MARK1: variants seen among roughly 807,000 people sequenced by gnomAD.
The protein encoded by MARK1 is microtubule affinity regulating kinase 1.
In MARK1, 40 loss-of-function variants were observed where a neutral mutation model predicts 96.3. The ratio of observed to expected loss-of-function variants is 0.42; its 90% confidence interval spans 0.32 to 0.54. MARK1 has a LOEUF of 0.54. Among genes scored for constraint, MARK1 ranks in the 20% least tolerant of loss-of-function variants. The pLI is 0.16. For missense variants in MARK1, 719 were observed against 984.6 expected, an observed-to-expected ratio of 0.73 and a Z score of 3.61; for synonymous variants, 317 against 341.2, an observed-to-expected ratio of 0.93 and a Z score of 0.78.
At chr1:220,593,642 A>G (rs116761486) in intron 3 of MARK1, among the ~76,000 whole-genome samples, 112 of 152,230 alleles carry the variant, frequency 7.4e-4, no homozygotes, top group African/African-American at 2.6e-3. Context: ...TGGTCACCTG[A>G]TGAGGTGCCC....
Position 220,604,106 on chromosome 1 carries a change from A to C in MARK1, c.464A>C (p.Lys155Thr). 1 of 1,611,620 alleles carries C rather than the reference A, an allele frequency of 6.2e-7. No individual in the cohort carries two copies. The highest frequency in any genetic ancestry group is 1.1e-5 in the South Asian group (1 of 90,728). ...FDYLVAHGRM[K>T]EKEARAKFRQ... The stretch of plus-strand genomic sequence containing the variant: ...TACTTAGTTGCCCATGGAAGAATGA[A>C]AGAGAAAGAGGCCCGTGCAAAATTT... Residue 155 changes from lysine to threonine, a missense_variant, in exon 6 of 18, where the codon AAA (lysine) becomes ACA (threonine). Around this residue, in one of 4 missense-constraint regions of MARK1, gnomAD observed 96 missense variants for 213.1 expected, o/e 0.45. Transcript: ENST00000366917.
intron 3 of MARK1, among the ~76,000 whole-genome samples, chr1:220,594,362 AAC>A (rs1665186628): frequency 6.6e-6 from 1 of 152,240 alleles, no homozygotes; most frequent in Non-Finnish European, 1.5e-5. Context: ...AGAAGTCCAA[AAC>A]ACAGCACCAA....
At chr1:220,560,289 T>A (rs1465469757) in intron 1 of MARK1, among the ~76,000 whole-genome samples, 1 of 151,954 alleles carries the variant, frequency 6.6e-6, no homozygotes, top group Non-Finnish European at 1.5e-5. Flanking sequence ...ATATGAAAGA[T>A]CCCCCCAGTG....
chr1:220,549,781 G>C (rs1333676224), intron 1 of MARK1, among the ~76,000 whole-genome samples: 1 of 152,226 alleles, frequency 6.6e-6, no homozygotes, highest in Non-Finnish European at 1.5e-5. Flanking sequence ...CCCGAGCTCA[G>C]CCTTTTACAA....
chr1:220,637,251 A>AGG (rs1668017304), intron 13 of MARK1, among the ~76,000 whole-genome samples: 1 of 152,240 alleles, frequency 6.6e-6, no homozygotes, highest in Non-Finnish European at 1.5e-5. Flanking sequence ...ATAAGCAAAA[A>AGG]GAGGAAAATA....
chr1:220,540,673 A>G (rs1661076787), intron 1 of MARK1, among the ~76,000 whole-genome samples: 1 of 152,114 alleles, frequency 6.6e-6, no homozygotes, highest in Non-Finnish European at 1.5e-5. Flanking sequence ...TTTCTGTGGC[A>G]TCAGTTGTAT....
chr1:220,607,245 G>A (rs201115376), intron 6 of MARK1, among the ~76,000 whole-genome samples: 3 of 152,110 alleles, frequency 2.0e-5, no homozygotes, highest in Admixed American at 2.0e-4. Context: ...CACGTCCCTT[G>A]TAAGTTGGAT....
At chr1:220,545,439 G>GTTTTTTTTTTTTTTTTTTT (rs35422682) in intron 1 of MARK1, among the ~76,000 whole-genome samples, 1 of 87,260 alleles carries the variant, frequency 1.1e-5, no homozygotes, top group Non-Finnish European at 2.1e-5. Context: ...CTTTCTCATG[G>GTTTTTTTTTTTTTTTTTTT]TTTTTTTTTT....
chr1:220,626,475 G>T lies in MARK1; in HGVS notation c.910-4560G>T, dbSNP rs982483060. On this transcript the variant is annotated intron_variant, in intron 9 of 17. Coordinates refer to ENST00000366917, the MANE Select transcript of MARK1 (RefSeq NM_018650.5). ...CCATTTCAAGTTCAGTGCTCTTACA[G>T]TGTGGCTCAGACTCCTTATCTGGGG... The T allele has an allele frequency of 9.3e-6, 5 of 537,238 alleles. No individual in the cohort carries two copies. In the East Asian group the frequency reaches 2.6e-4, roughly 28 times the overall value. 33.3% of individuals were successfully genotyped at this position (537,238 alleles called of 1,614,324 possible).
chr1:220,653,851 C>T (rs1669030396), intron 16 of MARK1, among the ~76,000 whole-genome samples: 2 of 152,096 alleles, frequency 1.3e-5, no homozygotes, highest in South Asian at 4.1e-4. Context: ...AAAATGAATA[C>T]ATGTATAGTA....
intron 5 of MARK1, among the ~76,000 whole-genome samples, chr1:220,603,330 A>G (rs1665868903): frequency 6.6e-6 from 1 of 152,074 alleles, no homozygotes; most frequent in East Asian, 1.9e-4. Context: ...TGGATCCAGT[A>G]GAAAATTTAT....
At chr1:220,539,948 G>T (rs542160616) in intron 1 of MARK1, among the ~76,000 whole-genome samples, 1 of 152,104 alleles carries the variant, frequency 6.6e-6, no homozygotes, top group South Asian at 2.1e-4. Flanking sequence ...AAAAGGGTTG[G>T]TTTTAATTCT....
intron 1 of MARK1, among the ~76,000 whole-genome samples, chr1:220,551,251 C>T (rs372507655): frequency 4.6e-5 from 7 of 152,190 alleles, no homozygotes; most frequent in Non-Finnish European, 1.0e-4. Flanking sequence ...CTATGTCAAG[C>T]GTGAGTGCTG....
At chr1:220,609,112 G>C (rs1313037699) in intron 6 of MARK1, among the ~76,000 whole-genome samples, 1 of 152,074 alleles carries the variant, frequency 6.6e-6, no homozygotes, top group Non-Finnish European at 1.5e-5. Context: ...GGATATCCTT[G>C]TTAACCTGTC....
chr1:220,660,540 C>G (rs1006074026), intron 17 of MARK1, among the ~76,000 whole-genome samples: 24 of 151,032 alleles, frequency 1.6e-4, no homozygotes, highest in African/African-American at 5.8e-4. Context: ...TTTCAAGGGA[C>G]TTTTTTTTTC....
At chr1:220,609,651 G>A (rs995040783) in intron 6 of MARK1, among the ~76,000 whole-genome samples, 1 of 152,166 alleles carries the variant, frequency 6.6e-6, no homozygotes, top group Non-Finnish European at 1.5e-5. Flanking sequence ...TCATAGCATC[G>A]ATGGTCTTTA....
intron 5 of MARK1, among the ~76,000 whole-genome samples, chr1:220,602,646 T>C (rs1933008): frequency 1.3e-5 from 2 of 152,050 alleles, no homozygotes; most frequent in Non-Finnish European, 2.9e-5. Flanking sequence ...TTACCACATA[T>C]CTAGAATTAA....
intron 3 of MARK1, among the ~76,000 whole-genome samples, chr1:220,582,221 C>CT (rs1452917765): frequency 2.6e-5 from 4 of 152,152 alleles, no homozygotes; most frequent in Non-Finnish European, 5.9e-5. Context: ...TTTCATAACA[C>CT]TGATATTTCT....
chr1:220,571,111 G>A (rs1663421764), intron 1 of MARK1, among the ~76,000 whole-genome samples: 1 of 152,050 alleles, frequency 6.6e-6, no homozygotes, highest in Non-Finnish European at 1.5e-5. Flanking sequence ...TTTTGTGGAG[G>A]ACTTTTAGTT....
Sources: allele counts gnomAD v4.1 joint callset (sites outside exome capture counted in the v4.1 genomes callset), GRCh38; gene constraint gnomAD v4.1.1; regional missense constraint gnomAD v4.1.1; transcripts MANE v1.5; gene names NCBI Gene and HGNC (gene_info 2026-07-23, HGNC 2026-07-21).